Variants in C2orf15 observed in about 807,000 individuals in gnomAD.
C2orf15 encodes uncharacterized protein C2orf15.
Under a neutral mutation model 4.4 loss-of-function variants are expected in C2orf15, and 3 were observed. The observed-to-expected ratio is 0.67, with a 90% CI of 0.31 to 1.74. The LOEUF is 1.74. Among genes scored for constraint, C2orf15 ranks in the 40% most tolerant of loss-of-function variants. The probability of loss-of-function intolerance (pLI) is 0.09; values close to 1 mark genes in which losing one functional copy is unlikely to be tolerated. For synonymous variants in C2orf15, 37 were observed against 36.8 expected, an observed-to-expected ratio of 1.00 and a Z score of -0.02; for missense variants, 90 against 103.3, an observed-to-expected ratio of 0.87 and a Z score of 0.56.
chr2:99,150,405 T>G (rs1559158244), intron 3 of C2orf15, 78 bp from the exon 4 acceptor site: 1 of 812,954 alleles, frequency 1.2e-6, no homozygotes, highest in East Asian at 2.5e-5. Flanking sequence ...CACCACAGCT[T>G]TTCATTCAAA....
Position 99,150,497 on chromosome 2 carries a change from A to G in C2orf15, c.-62A>G. On this transcript the variant is annotated 5_prime_UTR_variant, in exon 4 of 4. Transcript: ENST00000650052. ...TTTTTTTTCAGTAATCAAGTTGAAG[A>G]AACACTTCCACTACTTAAAAAGGTA... The G allele has an allele frequency of 6.5e-7, 1 of 1,543,090 alleles. No individual in the cohort carries two copies. Among genetic ancestry groups the G allele is most frequent in the Non-Finnish European group, 8.7e-7 (1 of 1,145,218 alleles).
chr2:99,147,935 AT>A (rs1324062057), intron 3 of C2orf15, among the ~76,000 whole-genome samples: 2 of 152,214 alleles, frequency 1.3e-5, no homozygotes, highest in East Asian at 3.8e-4. Context: ...TATTCATGGC[AT>A]TTATCACATT....
At chr2:99,149,599 C>T (rs1270568798) in intron 3 of C2orf15, among the ~76,000 whole-genome samples, 3 of 151,348 alleles carry the variant, frequency 2.0e-5, no homozygotes, top group East Asian at 2.0e-4. Context: ...CCCGCCACCA[C>T]GCCCGGCTAA....
chr2:99,143,788 A>G (rs1181572683), intron 2 of C2orf15, among the ~76,000 whole-genome samples: 2 of 152,128 alleles, frequency 1.3e-5, no homozygotes, highest in Admixed American at 1.3e-4. Flanking sequence ...AGCCTTATAT[A>G]GTACCCTGTG....
Position 99,150,766 on chromosome 2 carries a change from G to T in C2orf15, c.208G>T (p.Gly70Trp). The T allele has an allele frequency of 6.2e-7, 1 of 1,613,660 alleles. No homozygotes were observed. The highest frequency in any genetic ancestry group is 8.5e-7 in the Non-Finnish European group (1 of 1,179,856). ...AGGGACTGGCACAGGATCTCTTTCT[G>T]GGAAAGCCTTGGGTTCAGTGGTATA... ...IEGTGTGSLS[G>W]KALGSVVYVK... Residue 70 changes from glycine to tryptophan, a missense_variant, in exon 4 of 4, where the codon GGG becomes TGG. Gly to Trp is a radical substitution (Grantham distance 184). Coordinates refer to ENST00000650052, the MANE Select transcript of C2orf15 (RefSeq NM_144706.4).
chr2:99,144,546 G>A (rs2093612107), intron 2 of C2orf15, among the ~76,000 whole-genome samples: 1 of 150,636 alleles, frequency 6.6e-6, no homozygotes. Flanking sequence ...CTACTCGGGA[G>A]GCTGAGGCAG....
Position 99,150,592 on chromosome 2 carries a change from G to A in C2orf15, c.34G>A (p.Val12Ile), listed in dbSNP as rs773115652. 3.1e-6 allele frequency: 5 copies of A among 1,613,406 alleles called. No homozygotes were observed. Among genetic ancestry groups the A allele is most frequent in the Admixed American group, 1.7e-5 (1 of 59,988 alleles). ...GFSLSKSATQ[V>I]SAIHMDSKVD... Reference sequence around the variant, plus strand: ...TTCACTTAGTAAATCTGCTACTCAGGTATCTGCTATACATATGGATTCAAA... The same window carrying A: ...TTCACTTAGTAAATCTGCTACTCAGATATCTGCTATACATATGGATTCAAA... The change falls in exon 4 of 4, where the codon GTA becomes ATA. Residue 12 changes from valine to isoleucine, a missense_variant. Transcript: ENST00000650052.
chr2:99,145,689 C>T (rs899414624), intron 2 of C2orf15, among the ~76,000 whole-genome samples: 1 of 152,194 alleles, frequency 6.6e-6, no homozygotes, highest in East Asian at 1.9e-4. Flanking sequence ...AACATAGTCC[C>T]AGCTTCTGGG....
chr2:99,150,464 C>CTTTTT lies in C2orf15; in HGVS notation c.-76-8_-76-4dup. 1.8e-6 allele frequency: 2 copies of CTTTTT among 1,113,530 alleles called. No homozygotes were observed. Among genetic ancestry groups the CTTTTT allele is most frequent in the Non-Finnish European group, 2.5e-6 (2 of 798,532 alleles). The allele number at this position is 1,113,530 out of a possible 1,614,324, so 69.0% of individuals were successfully genotyped here. A position where few individuals can be genotyped will look rare whatever the true frequency, so the allele number is the denominator to read the frequency against. On this transcript the variant is annotated intron_variant, in intron 3 of 3. Transcript: ENST00000650052. ...AAATTCCTGCTGCATTCACTTGTTA[C>CTTTTT]TTTTTTTTTTTTTTTCAGTAATCAA...
intron 2 of C2orf15, among the ~76,000 whole-genome samples, chr2:99,146,416 C>A (rs1324733210): frequency 6.6e-6 from 1 of 152,248 alleles, no homozygotes; most frequent in South Asian, 2.1e-4. Flanking sequence ...AAAATATCTC[C>A]TTCCAGTCTC....
At chr2:99,149,139 C>T (rs1203404311) in intron 3 of C2orf15, among the ~76,000 whole-genome samples, 3 of 147,330 alleles carry the variant, frequency 2.0e-5, no homozygotes, top group Non-Finnish European at 3.0e-5. Context: ...CACTTCACTC[C>T]AGCCTGGGTG....
chr2:99,143,899 T>A (rs563646525), intron 2 of C2orf15, among the ~76,000 whole-genome samples: 4 of 152,328 alleles, frequency 2.6e-5, no homozygotes, highest in Admixed American at 2.6e-4. Context: ...CTGTTATTAC[T>A]ATTTTTTGTT....
chr2:99,147,877 T>A (rs188974025), intron 3 of C2orf15, among the ~76,000 whole-genome samples: 111 of 152,312 alleles, frequency 7.3e-4, no homozygotes, highest in African/African-American at 2.4e-3. Flanking sequence ...CAGTATGTAT[T>A]TCCTAAGAAC....
chr2:99,144,731 A>C, intron 2 of C2orf15, among the ~76,000 whole-genome samples: 1 of 151,756 alleles, frequency 6.6e-6, no homozygotes, highest in East Asian at 1.9e-4. Context: ...TAGCAGCAGA[A>C]GTCTGCCATT....
At chr2:99,147,363 A>C (rs2093642804) in intron 2 of C2orf15, 39 bp from the exon 3 acceptor site, 1 of 1,090,324 alleles carries the variant, frequency 9.2e-7, no homozygotes, top group African/African-American at 1.6e-5. Context: ...AGATTGATTT[A>C]TCTCTTTATG....
At chr2:99,147,157 TTTTG>T (rs1457493542) in intron 2 of C2orf15, 3 of 289,188 alleles carry the variant, frequency 1.0e-5, no homozygotes, top group Middle Eastern at 1.0e-3. Context: ...TGGCATATCT[TTTTG>T]TTTTTTTTAA....
chr2:99,146,733 A>G (rs1197105962), intron 2 of C2orf15, among the ~76,000 whole-genome samples: 1 of 152,110 alleles, frequency 6.6e-6, no homozygotes, highest in African/African-American at 2.4e-5. Flanking sequence ...GGTTCAAGCG[A>G]TTCTCCTGCC....
rs561198563 is a variant in C2orf15 at position 99,147,169 on chromosome 2, T to A, written c.-168-233T>A. ...TTGTGGCATATCTTTTTGTTTTTTT[T>A]AATTTTTTTCTGATAGGGATGAGGT... On this transcript the variant is annotated intron_variant, in intron 2 of 3. Coordinates refer to ENST00000650052, the MANE Select transcript of C2orf15 (RefSeq NM_144706.4). 23 of 318,784 alleles carry A rather than the reference T, an allele frequency of 7.2e-5. 1 individual carries two copies. The highest frequency in any genetic ancestry group is 1.1e-4 in the Non-Finnish European group (20 of 176,680). 19.7% of individuals were successfully genotyped at this position (318,784 alleles called of 1,614,324 possible).
At position 99,145,434 on chromosome 2, in the gene C2orf15, C is replaced by T. The variant is rs150901702; in HGVS notation, c.-168-1968C>T. 3.3e-5 allele frequency among the ~76,000 whole-genome samples: 5 copies of T among 152,202 alleles called. 1 individual carries two copies. The East Asian group carries it at 9.7e-4, about 29-fold the overall frequency. On this transcript the variant is annotated intron_variant, in intron 2 of 3. Transcript: ENST00000650052. ...ATTAACTGATCGTGGTGGCAGGCAC[C>T]TGTAATCCCAGCTACTTGGGAGCTG...
Sources: allele counts gnomAD v4.1 joint callset (sites outside exome capture counted in the v4.1 genomes callset), GRCh38; gene constraint gnomAD v4.1.1; transcripts MANE v1.5; gene names NCBI Gene and HGNC (gene_info 2026-07-23, HGNC 2026-07-21).